The following DYNC2H1 variants were observed in gnomAD, a reference collection of about 807,000 sequenced individuals.
DYNC2H1 encodes cytoplasmic dynein 2 heavy chain 1.
Under a neutral mutation model 570.0 loss-of-function variants are expected in DYNC2H1, and 410 were observed. The ratio of observed to expected loss-of-function variants is 0.72; its 90% CI spans 0.66 to 0.78. The LOEUF (loss-of-function observed/expected upper bound fraction) is 0.78. Ranked by LOEUF, DYNC2H1 falls within the 30% of genes least tolerant of loss-of-function variation. DYNC2H1 has a pLI of 0.00. For missense variants in DYNC2H1, 4,865 were observed against 5,046.4 expected, an observed-to-expected ratio of 0.96 and a Z score of 1.09; for synonymous variants, 1,688 against 1,677.6, an observed-to-expected ratio of 1.01 and a Z score of -0.15.
At chr11:103,114,044 G>A (rs1858248436) in intron 2 of DYNC2H1, 59 bp from the exon 3 acceptor site, 2 of 1,574,566 alleles carry the variant, frequency 1.3e-6, no homozygotes, top group Non-Finnish European at 8.6e-7. Context: ...GTTTTGGGAA[G>A]CCAATTTGAT....
In DYNC2H1 at chr11:103,125,086, A is replaced by G; in HGVS notation, c.1662-14A>G. 6.3e-7 allele frequency: 1 copy of G among 1,586,762 alleles called. No homozygotes were observed. The highest frequency in any genetic ancestry group is 8.6e-7 in the Non-Finnish European group (1 of 1,162,624). On this transcript the variant is annotated splice_polypyrimidine_tract_variant and intron_variant, in intron 11 of 88. Transcript: ENST00000375735. Reference sequence around the variant, plus strand: ...GAACATGAAACTTAACAGGTTATTTATTTTGTTTTATAGTATTGAGGCTAG... The same window carrying G: ...GAACATGAAACTTAACAGGTTATTTGTTTTGTTTTATAGTATTGAGGCTAG...
At chr11:103,168,695 A>C (rs1309790657) in intron 31 of DYNC2H1, 60 bp from the exon 32 acceptor site, 9 of 1,531,766 alleles carry the variant, frequency 5.9e-6, no homozygotes, top group Non-Finnish European at 8.1e-6. Flanking sequence ...CGTAATCATA[A>C]ATTATATAAA....
At chr11:103,339,947 A>C (rs1380294785) in intron 82 of DYNC2H1, among the ~76,000 whole-genome samples, 1 of 152,170 alleles carries the variant, frequency 6.6e-6, no homozygotes. Context: ...ATAGGGCAGC[A>C]CTGAGTTCCA....
At chr11:103,128,856 A>T (rs986731159) in intron 12 of DYNC2H1, 54 bp from the exon 13 acceptor site, 26 of 1,325,778 alleles carry the variant, frequency 2.0e-5, no homozygotes, top group South Asian at 2.8e-5. Flanking sequence ...AATTAAAAAT[A>T]AAAAATTAAA....
rs746503057 is a variant in DYNC2H1, at chr11:103,321,118, G to C, written c.11815G>C (p.Val3939Leu). Reference sequence around the variant, plus strand: ...TATAGACAACTATTTTGACCTTAGAGTTCTTCAGTCATACCTGAAGCAGTT... The same window carrying C: ...TATAGACAACTATTTTGACCTTAGACTTCTTCAGTCATACCTGAAGCAGTT... The part of the protein sequence containing the change: ...GRIDNYFDLR[V>L]LQSYLKQFFN... Residue 3939 changes from valine (V) to leucine (L), a missense_variant, in exon 81 of 89, where the codon GTT becomes CTT. By Grantham distance (32) the Val-to-Leu change is conservative. Around this residue, in one of 5 missense-constraint regions of DYNC2H1, gnomAD observed 2,401 missense variants for 2,454.6 expected, o/e 0.98. Coordinates refer to ENST00000375735, the MANE Select transcript of DYNC2H1 (RefSeq NM_001377.3). The C allele has an allele frequency of 1.2e-6, 2 of 1,612,472 alleles. No individual in the cohort carries two copies. The highest frequency in any genetic ancestry group is 1.7e-6 in the Non-Finnish European group (2 of 1,179,192).
At chr11:103,387,590 G>T (rs1941943219) in intron 83 of DYNC2H1, among the ~76,000 whole-genome samples, 1 of 152,170 alleles carries the variant, frequency 6.6e-6, no homozygotes, top group African/African-American at 2.4e-5. Flanking sequence ...CCTATGTCCT[G>T]AATGGTATTG....
chr11:103,392,630 C>T (rs1351100913), intron 83 of DYNC2H1, among the ~76,000 whole-genome samples: 1 of 152,270 alleles, frequency 6.6e-6, no homozygotes, highest in South Asian at 2.1e-4. Context: ...TTGGCTCCAC[C>T]CCTATCTTAT....
intron 75 of DYNC2H1, among the ~76,000 whole-genome samples, chr11:103,294,585 C>G (rs895960650): frequency 6.6e-6 from 1 of 152,172 alleles, no homozygotes; most frequent in Non-Finnish European, 1.5e-5. Context: ...AGGATTCTTT[C>G]TCTATGCTGG....
intron 87 of DYNC2H1, among the ~76,000 whole-genome samples, chr11:103,459,956 CTCAAAAAAAAAAGAA>C (rs1944951643): frequency 1.2e-5 from 1 of 84,954 alleles, no homozygotes; most frequent in South Asian, 4.4e-4. Flanking sequence ...GAGACTCCGT[CTCAAAAAAAAAAGAA>C]AAAAAAAAAA....
chr11:103,405,639 G>T (rs1454018222), intron 84 of DYNC2H1: 1 of 151,970 alleles, frequency 6.6e-6, no homozygotes, highest in African/African-American at 2.4e-5. Flanking sequence ...CCATAAAGAA[G>T]ATTAATACAA....
At position 103,244,933 on chromosome 11, in the gene DYNC2H1, T is replaced by C. The variant is rs894826813; in HGVS notation, c.9919-318T>C. Among the ~76,000 whole-genome samples the C allele has an allele frequency of 6.6e-6, 1 of 151,246 alleles. No homozygotes were observed. The highest frequency in any genetic ancestry group is 1.5e-5 in the Non-Finnish European group (1 of 67,698). Reference sequence around the variant, plus strand: ...CGCCTGGGGTGATGTTTAAAACTACTCCTTCCCTATCTAGAAAGCCTTAAA... The same window carrying C: ...CGCCTGGGGTGATGTTTAAAACTACCCCTTCCCTATCTAGAAAGCCTTAAA... On this transcript the variant is annotated intron_variant, in intron 64 of 88. Coordinates refer to ENST00000375735, the MANE Select transcript of DYNC2H1 (RefSeq NM_001377.3). This position sits in a 1 kb window ranked among gnomAD's most constrained non-coding sequence, Gnocchi z 4.3.
chr11:103,327,747 T>C (rs1275270419), intron 82 of DYNC2H1, among the ~76,000 whole-genome samples: 1 of 152,198 alleles, frequency 6.6e-6, no homozygotes, highest in Non-Finnish European at 1.5e-5. Flanking sequence ...CAGAACTTAT[T>C]TTGCTCCTGG....
chr11:103,287,000 T>G (rs1189042533), intron 74 of DYNC2H1, among the ~76,000 whole-genome samples: 1 of 152,148 alleles, frequency 6.6e-6, no homozygotes, highest in Non-Finnish European at 1.5e-5. Flanking sequence ...TCTAGGAATA[T>G]CATAGATATG....
At chr11:103,417,001 A>T (rs1943307835) in intron 84 of DYNC2H1, among the ~76,000 whole-genome samples, 1 of 152,256 alleles carries the variant, frequency 6.6e-6, no homozygotes, top group Non-Finnish European at 1.5e-5. Context: ...GAAGACCTTT[A>T]TGTGGCCAAC....
Position 103,256,073 on chromosome 11 carries a change from T to A in DYNC2H1, c.10327-33T>A. ...CTTTAATTGGTTATTTTTATATGTA[T>A]AATAATATTCATATTGTTAACTTTC... is the stretch of plus-strand genomic sequence containing the variant. On this transcript the variant is annotated intron_variant, in intron 67 of 88. Coordinates refer to ENST00000375735, the MANE Select transcript of DYNC2H1 (RefSeq NM_001377.3). This position sits in a 1 kb window ranked among gnomAD's most constrained non-coding sequence, Gnocchi z 4.0. The A allele has an allele frequency of 6.5e-7, 1 of 1,541,418 alleles. No individual in the cohort carries two copies. Among genetic ancestry groups the A allele is most frequent in the South Asian group, 1.2e-5 (1 of 82,288 alleles).
chr11:103,345,717 C>A (rs371677676), intron 82 of DYNC2H1, among the ~76,000 whole-genome samples: 1 of 151,996 alleles, frequency 6.6e-6, no homozygotes, highest in African/African-American at 2.4e-5. Context: ...TGGAGGTGGA[C>A]TAGGTCATAA....
chr11:103,456,875 TTATATAAAATTACCTTTGGGGTATA>T (rs1290251595), intron 87 of DYNC2H1, among the ~76,000 whole-genome samples: 1 of 152,224 alleles, frequency 6.6e-6, no homozygotes, highest in East Asian at 1.9e-4. Flanking sequence ...CTTTAAAATA[TTATATAAAATTACCTTTGGGGTATA>T]TGTATAAAAT....
chr11:103,246,039 C>T (rs1864602230), intron 65 of DYNC2H1, among the ~76,000 whole-genome samples: 1 of 152,094 alleles, frequency 6.6e-6, no homozygotes, highest in African/African-American at 2.4e-5. Flanking sequence ...ATGCACTATT[C>T]TCTGATAACC....
At chr11:103,202,101 G>A (rs1294315662) in intron 50 of DYNC2H1, among the ~76,000 whole-genome samples, 1 of 152,114 alleles carries the variant, frequency 6.6e-6, no homozygotes, top group Non-Finnish European at 1.5e-5. Context: ...AGACCAGGAT[G>A]CTCTAATTAG....
Sources: gnomAD v4.1 joint callset for allele counts (sites outside exome capture counted in the v4.1 genomes callset) on GRCh38, gnomAD v4.1.1 for gene constraint, gnomAD v4.1.1 regional missense constraint, Gnocchi (gnomAD v3.1) non-coding constraint, MANE v1.5 for transcripts, NCBI Gene and HGNC (gene_info 2026-07-23, HGNC 2026-07-21) for gene names.